The following ZNF567 variants were observed in gnomAD, a reference collection of about 807,000 sequenced individuals.
ZNF567 encodes the protein zinc finger protein 567.
Under a neutral mutation model 53.9 loss-of-function variants are expected in ZNF567, and 36 were observed. The ratio of observed to expected loss-of-function variants is 0.67; its 90% CI spans 0.51 to 0.88. The LOEUF is 0.88. ZNF567 is among the 40% of genes least tolerant of loss of function. ZNF567 has a pLI of 0.00. For synonymous variants in ZNF567, 224 were observed against 260.4 expected (o/e 0.86, Z 1.35); for missense variants, 619 against 764.7 (o/e 0.81, Z 2.25).
the ZNF567 span, among the ~76,000 whole-genome samples, chr19:36,670,567 A>G: frequency 1.3e-5 from 2 of 152,128 alleles, no homozygotes; most frequent in Non-Finnish European, 2.9e-5. Flanking sequence ...TAGCTGCTGT[A>G]CCAAATGTGG....
rs769457701 is a variant in ZNF567, at chr19:36,712,470, A to G, written c.94A>G (p.Met32Val). Residue 32 changes from methionine (M) to valine (V), a missense_variant, in exon 4 of 6, where the codon ATG (methionine) becomes GTG (valine). Met to Val is a conservative substitution (Grantham distance 21). Transcript: ENST00000682579. ...GGATCATGCTCAGAAGACTCTATAT[A>G]TGGATGTGATGTTGGAAAACTATTG... Reference protein sequence around the residue: ...HLDHAQKTLYMDVMLENYCHL... With the variant: ...HLDHAQKTLYVDVMLENYCHL... 6.2e-7 allele frequency: 1 copy of G among 1,614,072 alleles called. No individual in the cohort carries two copies. Among genetic ancestry groups the G allele is most frequent in the Non-Finnish European group, 8.5e-7 (1 of 1,179,954 alleles).
chr19:36,688,487 G>A (rs535731648), intron 1 of ZNF567, among the ~76,000 whole-genome samples: 5 of 151,972 alleles, frequency 3.3e-5, no homozygotes, highest in Admixed American at 6.6e-5. Flanking sequence ...GAGAGGAAGA[G>A]GCAAAATAAT....
At chr19:36,695,342 A>T (rs1480145366) in intron 3 of ZNF567, among the ~76,000 whole-genome samples, 1 of 152,120 alleles carries the variant, frequency 6.6e-6, no homozygotes, top group Non-Finnish European at 1.5e-5. Flanking sequence ...CAGCCTGGCC[A>T]ACATGGTGAA....
At chr19:36,702,507 T>A (rs1180540342) in intron 3 of ZNF567, among the ~76,000 whole-genome samples, 9 of 152,200 alleles carry the variant, frequency 5.9e-5, no homozygotes, top group South Asian at 4.2e-4. Flanking sequence ...CTGGATAATA[T>A]CCTGCAGAGT....
chr19:36,692,349 T>G (rs911412211), intron 2 of ZNF567, among the ~76,000 whole-genome samples: 16 of 152,112 alleles, frequency 1.1e-4, no homozygotes, highest in Non-Finnish European at 2.4e-4. Context: ...AGTTGGTGCA[T>G]TGTGTAATGA....
At position 36,720,184 on chromosome 19, in the gene ZNF567, GA is replaced by G; in HGVS notation, c.1462del (p.Met488Ter). 6.2e-7 allele frequency: 1 copy of G among 1,614,050 alleles called. No homozygotes were observed. The highest frequency in any genetic ancestry group is 8.5e-7 in the Non-Finnish European group (1 of 1,179,998). ...TGTCCTCACTGTGGGAAGGCCTTTA[GA>G]ATGAAGTCATACCTCATTGATCATC... is the stretch of plus-strand genomic sequence containing the variant. ...YECPHCGKAF[R>X]MKSYLIDHHR... On this transcript the variant is annotated frameshift_variant, in exon 6 of 6. Coordinates refer to ENST00000682579, the MANE Select transcript of ZNF567 (RefSeq NM_001322917.1). LOFTEE classifies it high-confidence loss of function.
chr19:36,718,683 C>T (rs2040175622), intron 5 of ZNF567, among the ~76,000 whole-genome samples: 1 of 152,122 alleles, frequency 6.6e-6, no homozygotes, highest in African/African-American at 2.4e-5. Context: ...CCCCTTCTAC[C>T]ATTCTTTGAC....
At chr19:36,690,197 G>C (rs1460251149) in intron 2 of ZNF567, among the ~76,000 whole-genome samples, 1 of 152,182 alleles carries the variant, frequency 6.6e-6, no homozygotes, top group African/African-American at 2.4e-5. Flanking sequence ...TATGTGGAAA[G>C]TATGGGGAAA....
rs200779985 is a variant in ZNF567, at chr19:36,719,965, C to A, written c.1241C>A (p.Thr414Asn). The A allele has an allele frequency of 6.2e-7, 1 of 1,613,846 alleles. No homozygotes were observed. Among genetic ancestry groups the A allele is most frequent in the East Asian group, 2.2e-5 (1 of 44,834 alleles). Residue 414 changes from threonine (T) to asparagine (N), a missense_variant, in exon 6 of 6, where the codon ACT becomes AAT. By Grantham distance (65) the Thr-to-Asn change is moderately conservative (BLOSUM62 0). Transcript: ENST00000682579. Reference protein sequence around the residue: ...QKANLTVHQRTHTGEKPYICN... With the variant: ...QKANLTVHQRNHTGEKPYICN... ...GCAAATCTTACTGTACATCAGAGAACTCATACAGGGGAAAAGCCCTATATT... is the reference window on the plus strand; with the variant it reads ...GCAAATCTTACTGTACATCAGAGAAATCATACAGGGGAAAAGCCCTATATT...
At chr19:36,710,079 A>G (rs1229048471) in intron 3 of ZNF567, among the ~76,000 whole-genome samples, 1 of 151,802 alleles carries the variant, frequency 6.6e-6, no homozygotes, top group Admixed American at 6.6e-5. Flanking sequence ...TCCATGTTGG[A>G]TTTTTGAATA....
downstream of ZNF567, among the ~76,000 whole-genome samples, chr19:36,723,014 C>A (rs2040317354): frequency 6.6e-6 from 1 of 151,794 alleles, no homozygotes; most frequent in South Asian, 2.1e-4. Flanking sequence ...TTTAATAAAC[C>A]TATTAAAGTA....
upstream of ZNF567, chr19:36,685,334 G>C (rs1458641330): frequency 6.6e-6 from 1 of 152,214 alleles, no homozygotes; most frequent in Non-Finnish European, 1.5e-5. Flanking sequence ...ATAAATGTAT[G>C]TAGGTGTTAT....
the ZNF567 span, among the ~76,000 whole-genome samples, chr19:36,682,578 T>A: frequency 6.8e-6 from 1 of 147,570 alleles, no homozygotes; most frequent in Admixed American, 6.8e-5. Context: ...TTGCATGGGT[T>A]TTTTTTTTAT....
At chr19:36,688,393 G>A (rs753199643) in intron 1 of ZNF567, among the ~76,000 whole-genome samples, 5 of 152,070 alleles carry the variant, frequency 3.3e-5, no homozygotes, top group Non-Finnish European at 7.4e-5. Context: ...TGATTTATGA[G>A]TATTGGGCAT....
At chr19:36,724,248 C>G (rs980723528), downstream of ZNF567, among the ~76,000 whole-genome samples, 1 of 151,654 alleles carries the variant, frequency 6.6e-6, no homozygotes, top group Admixed American at 6.6e-5. Flanking sequence ...TCAGGTGATC[C>G]GCCCACCTCG....
intron 4 of ZNF567, 106 bp downstream of exon 4, chr19:36,712,618 C>A: frequency 6.6e-7 from 1 of 1,505,382 alleles, no homozygotes; most frequent in Non-Finnish European, 9.2e-7. Context: ...AATTCCTTTT[C>A]GTTAGCAGAA....
chr19:36,696,557 C>T (rs2038900625), intron 3 of ZNF567, among the ~76,000 whole-genome samples: 1 of 152,168 alleles, frequency 6.6e-6, no homozygotes, highest in South Asian at 2.1e-4. Flanking sequence ...CCCCTACCCA[C>T]CTGCCAATAC....
Position 36,719,642 on chromosome 19 carries a change from GA to G in ZNF567, c.921del (p.Lys307AsnfsTer42). 6.2e-7 allele frequency: 1 copy of G among 1,614,000 alleles called. No homozygotes were observed. The highest frequency in any genetic ancestry group is 8.5e-7 in the Non-Finnish European group (1 of 1,179,900). ...IDHQRTHTGE[K>X]PFVCNECGKS... Reference sequence around the variant, plus strand: ...ATCATCAGAGAACTCACACAGGAGAGAAACCCTTTGTTTGCAATGAATGTGG... The same window carrying G: ...ATCATCAGAGAACTCACACAGGAGAGAACCCTTTGTTTGCAATGAATGTGG... On this transcript the variant is annotated frameshift_variant, in exon 6 of 6. Coordinates refer to ENST00000682579, the MANE Select transcript of ZNF567 (RefSeq NM_001322917.1). LOFTEE classifies it high-confidence loss of function.
At chr19:36,670,723 T>C in the ZNF567 span, among the ~76,000 whole-genome samples, 1 of 152,220 alleles carries the variant, frequency 6.6e-6, no homozygotes, top group Non-Finnish European at 1.5e-5. Flanking sequence ...ACGCTTTCAC[T>C]GTGCTGCCTC....
Sources: gnomAD v4.1 joint callset for allele counts (sites outside exome capture counted in the v4.1 genomes callset) on GRCh38, gnomAD v4.1.1 for gene constraint, MANE v1.5 for transcripts, NCBI Gene and HGNC (gene_info 2026-07-23, HGNC 2026-07-21) for gene names.